KCNH1: variants seen among roughly 807,000 people sequenced by gnomAD.
KCNH1 encodes voltage-gated delayed rectifier potassium channel KCNH1.
KCNH1 carries 27 observed loss-of-function variants against 69.2 expected under a neutral mutation model. The observed-to-expected ratio is 0.39, with a 90% CI of 0.29 to 0.54. The LOEUF (loss-of-function observed/expected upper bound fraction) is 0.54, where lower values mean the gene tolerates loss of function less well. KCNH1 is among the 20% of genes least tolerant of loss of function. KCNH1 has a pLI of 0.68. For missense variants in KCNH1, 798 were observed against 1,261.6 expected (o/e 0.63, Z 5.57); for synonymous variants, 456 against 487.7 (o/e 0.93, Z 0.86).
At position 210,796,657 on chromosome 1, in the gene KCNH1, T is replaced by A. The variant is rs558863154; in HGVS notation, c.1915+851A>T. ...ACCTATAGTCCTCGCTGACTCCTCCTTCCCCGCCACAGCAAATCTGTCATT... is the reference window on the plus strand; with the variant it reads ...ACCTATAGTCCTCGCTGACTCCTCCATCCCCGCCACAGCAAATCTGTCATT... On this transcript the variant is annotated intron_variant, in intron 9 of 10. Coordinates refer to ENST00000271751, the MANE Select transcript of KCNH1 (RefSeq NM_172362.3). 7.9e-4 allele frequency among the ~76,000 whole-genome samples: 120 copies of A among 152,256 alleles called. 1 individual carries two copies. The highest frequency in any genetic ancestry group is 1.5e-3 in the Non-Finnish European group (105 of 67,998).
intron 5 of KCNH1, among the ~76,000 whole-genome samples, chr1:211,031,437 C>CA (rs1558575239): frequency 1.3e-5 from 2 of 151,876 alleles, no homozygotes; most frequent in East Asian, 1.9e-4. Flanking sequence ...AGAGACACAA[C>CA]AAAAAAAGAG....
intron 6 of KCNH1, among the ~76,000 whole-genome samples, chr1:210,991,603 C>CACA (rs1688936986): frequency 6.7e-6 from 1 of 148,306 alleles, no homozygotes; most frequent in African/African-American, 2.5e-5. Context: ...TCTGTTCTTG[C>CACA]CACACACACA....
At chr1:210,962,686 T>C (rs954705825) in intron 6 of KCNH1, among the ~76,000 whole-genome samples, 2 of 151,942 alleles carry the variant, frequency 1.3e-5, no homozygotes, top group African/African-American at 4.8e-5. Context: ...TCCAGGTTTT[T>C]AATCATAAAA....
chr1:211,041,399 C>T (rs546266103), intron 5 of KCNH1, among the ~76,000 whole-genome samples: 2 of 152,202 alleles, frequency 1.3e-5, no homozygotes, highest in South Asian at 2.1e-4. Context: ...CAGAACTAAT[C>T]TATCACAGGG....
chr1:210,891,244 C>T (rs1686744323), intron 7 of KCNH1, among the ~76,000 whole-genome samples: 1 of 152,110 alleles, frequency 6.6e-6, no homozygotes, highest in Admixed American at 6.6e-5. Context: ...TTTGTAGGGA[C>T]ATGTATGAAG....
Position 210,996,492 on chromosome 1 carries a change from G to A in KCNH1, c.1032+22291C>T, listed in dbSNP as rs185194479. ...GGTAAACAAAGCAGCCAGGAACCTC[G>A]AACTGGGTGGAGCCCACCACAGCTC... is the stretch of plus-strand genomic sequence containing the variant. On this transcript the variant is annotated intron_variant, in intron 6 of 10. Coordinates refer to ENST00000271751, the MANE Select transcript of KCNH1 (RefSeq NM_172362.3). Among the ~76,000 whole-genome samples, 7 of 152,342 alleles carry A rather than the reference G, an allele frequency of 4.6e-5. No homozygotes were observed. The East Asian group carries it at 1.2e-3, about 25-fold the overall frequency.
intron 10 of KCNH1, among the ~76,000 whole-genome samples, chr1:210,692,544 C>G (rs1373655296): frequency 6.6e-6 from 1 of 152,172 alleles, no homozygotes; most frequent in Non-Finnish European, 1.5e-5. Flanking sequence ...CTCAGAACTT[C>G]AGAAGGTGGC....
chr1:210,770,097 AG>A (rs1238085568), intron 10 of KCNH1, among the ~76,000 whole-genome samples: 1 of 152,188 alleles, frequency 6.6e-6, no homozygotes, highest in Non-Finnish European at 1.5e-5. Context: ...AAACTAACAC[AG>A]GAACAGAAAA....
At chr1:210,988,799 C>A (rs1411411005) in intron 6 of KCNH1, among the ~76,000 whole-genome samples, 4 of 152,136 alleles carry the variant, frequency 2.6e-5, no homozygotes. Flanking sequence ...CAGATTCTCT[C>A]TAGAAGAAAA....
intron 1 of KCNH1, chr1:211,108,485 T>C (rs1435898989): frequency 1.3e-5 from 2 of 152,220 alleles, no homozygotes; most frequent in Admixed American, 6.5e-5. Flanking sequence ...TTACAGTTTT[T>C]TCACAATATG....
rs151323248 is a variant in KCNH1 at position 211,062,001 on chromosome 1, T to G, written c.558+20779A>C. 2.0e-3 allele frequency among the ~76,000 whole-genome samples: 311 copies of G among 152,232 alleles called. 1 individual carries two copies. Among genetic ancestry groups the G allele is most frequent in the Non-Finnish European group, 3.5e-3 (241 of 67,984 alleles). On this transcript the variant is annotated intron_variant, in intron 5 of 10. Coordinates refer to ENST00000271751, the MANE Select transcript of KCNH1 (RefSeq NM_172362.3). ...ATATGGAGCAACAGAAGACCCAGAA[T>G]AGCCAAAGCTATTCTGAGCAAAAAG...
intron 5 of KCNH1, among the ~76,000 whole-genome samples, chr1:211,056,962 C>T (rs983370410): frequency 6.6e-6 from 1 of 152,152 alleles, no homozygotes; most frequent in Non-Finnish European, 1.5e-5. Context: ...CTTCAATCCC[C>T]AGACACTGAT....
intron 7 of KCNH1, among the ~76,000 whole-genome samples, chr1:210,870,611 T>C (rs1030653257): frequency 6.6e-6 from 1 of 152,290 alleles, no homozygotes; most frequent in Non-Finnish European, 1.5e-5. Flanking sequence ...CAGCATCTTA[T>C]TTGTCATGCT....
chr1:210,723,397 T>A (rs1158937880), intron 10 of KCNH1, among the ~76,000 whole-genome samples: 2 of 151,962 alleles, frequency 1.3e-5, no homozygotes, highest in African/African-American at 4.8e-5. Flanking sequence ...CAGCAGCAGA[T>A]CCCTACTACT....
chr1:210,714,626 A>G (rs1329416861), intron 10 of KCNH1, among the ~76,000 whole-genome samples: 2 of 152,132 alleles, frequency 1.3e-5, no homozygotes, highest in South Asian at 2.1e-4. Flanking sequence ...ATTCTTCCAA[A>G]CAAACAGGTA....
chr1:210,720,983 T>C (rs1682441004), intron 10 of KCNH1, among the ~76,000 whole-genome samples: 1 of 152,140 alleles, frequency 6.6e-6, no homozygotes, highest in Non-Finnish European at 1.5e-5. Context: ...TAGCAACCAG[T>C]ATTACTTCCT....
At chr1:210,877,850 G>C (rs1327729209) in intron 7 of KCNH1, among the ~76,000 whole-genome samples, 3 of 152,052 alleles carry the variant, frequency 2.0e-5, no homozygotes, top group Admixed American at 6.6e-5. Context: ...CTGATACATA[G>C]GTGATAATGA....
intron 6 of KCNH1, among the ~76,000 whole-genome samples, chr1:210,945,973 T>C (rs994015274): frequency 6.6e-6 from 1 of 152,246 alleles, no homozygotes; most frequent in Non-Finnish European, 1.5e-5. Context: ...CACACTAGAA[T>C]GTACACACTG....
chr1:210,895,961 CGA>C (rs1412393962), intron 7 of KCNH1, among the ~76,000 whole-genome samples: 3 of 152,042 alleles, frequency 2.0e-5, no homozygotes, highest in Non-Finnish European at 2.9e-5. Context: ...CAGACAACCA[CGA>C]GAGATTCTGA....
Sources: allele counts gnomAD v4.1 joint callset (sites outside exome capture counted in the v4.1 genomes callset), GRCh38; gene constraint gnomAD v4.1.1; transcripts MANE v1.5; gene names NCBI Gene and HGNC (gene_info 2026-07-23, HGNC 2026-07-21).